The following NRXN3 variants were observed in gnomAD, a reference collection of about 807,000 sequenced individuals.
NRXN3 encodes the protein neurexin 3.
A neutral mutation model predicts 137.6 loss-of-function variants in NRXN3; 32 were observed. The ratio of observed to expected loss-of-function variants is 0.23; its 90% CI spans 0.18 to 0.31. The LOEUF is 0.31. Among genes scored for constraint, NRXN3 ranks in the 10% least tolerant of loss-of-function variants. The pLI, the probability that NRXN3 is intolerant of heterozygous loss-of-function variation, is 1.00. For synonymous variants in NRXN3, 798 were observed against 784.5 expected (o/e 1.02, Z -0.29); for missense variants, 1,574 against 2,062.5 (o/e 0.76, Z 4.59).
At chr14:79,255,250 C>T (rs2076426573) in intron 15 of NRXN3, among the ~76,000 whole-genome samples, 3 of 152,218 alleles carry the variant, frequency 2.0e-5, no homozygotes, top group Non-Finnish European at 1.5e-5. Context: ...TCCATAGTGC[C>T]GTCATAGAGG....
chr14:79,663,979 CT>C, intron 17 of NRXN3, 30 bp downstream of exon 17: 2 of 1,605,736 alleles, frequency 1.2e-6, no homozygotes, highest in Non-Finnish European at 1.7e-6. Context: ...TGGTCCTACT[CT>C]TTTTGACTCT....
rs74067939 is a variant in NRXN3 at position 79,259,010 on chromosome 14, G to A, written c.3263-208211G>A. Among the ~76,000 whole-genome samples, 163 of 152,244 alleles carry A rather than the reference G, an allele frequency of 1.1e-3. 1 individual carries two copies. The highest frequency in any genetic ancestry group is 3.9e-3 in the African/African-American group (160 of 41,536). ...TCAAACAGACTTTGAGAGACAGTGT[G>A]GTCATGGGTTTTATTTTTTTTCCTC... On this transcript the variant is annotated intron_variant, in intron 15 of 20. Coordinates refer to ENST00000335750, the MANE Select transcript of NRXN3 (RefSeq NM_001330195.2).
chr14:79,466,608 A>G (rs1216720698), intron 15 of NRXN3, among the ~76,000 whole-genome samples: 1 of 152,106 alleles, frequency 6.6e-6, no homozygotes, highest in Non-Finnish European at 1.5e-5. Context: ...AAAAACTCCT[A>G]GAAATCATTT....
At chr14:78,278,514 G>A in intron 2 of NRXN3, 131 bp from the exon 3 acceptor site, 1 of 738,180 alleles carries the variant, frequency 1.4e-6, no homozygotes, top group South Asian at 1.7e-5. Flanking sequence ...TACCTCTGGG[G>A]CTTGCATGAA....
chr14:78,916,233 A>G (rs2099255066), intron 10 of NRXN3, among the ~76,000 whole-genome samples: 1 of 152,200 alleles, frequency 6.6e-6, no homozygotes, highest in Admixed American at 6.5e-5. Context: ...AAACCCAAAC[A>G]TATGGTCAAC....
At chr14:78,944,061 G>C (rs962714688) in intron 10 of NRXN3, among the ~76,000 whole-genome samples, 2 of 152,086 alleles carry the variant, frequency 1.3e-5, no homozygotes, top group Non-Finnish European at 1.5e-5. Flanking sequence ...AACTGTTGAA[G>C]AATAGAGATT....
At chr14:79,705,277 G>A (rs999878506) in intron 19 of NRXN3, among the ~76,000 whole-genome samples, 5 of 152,018 alleles carry the variant, frequency 3.3e-5, no homozygotes, top group African/African-American at 9.7e-5. Flanking sequence ...CTCTTTAGCC[G>A]AATCTAAAGC....
chr14:79,606,976 C>T (rs1296550057), intron 16 of NRXN3, among the ~76,000 whole-genome samples: 1 of 152,170 alleles, frequency 6.6e-6, no homozygotes, highest in African/African-American at 2.4e-5. Context: ...GCAAGTTTTG[C>T]TTTAGAAACT....
At chr14:78,351,882 A>C (rs1254614711) in intron 4 of NRXN3, among the ~76,000 whole-genome samples, 2 of 151,514 alleles carry the variant, frequency 1.3e-5, no homozygotes, top group African/African-American at 4.8e-5. Flanking sequence ...GCCTTATTAA[A>C]AAAAATCTCC....
intron 19 of NRXN3, among the ~76,000 whole-genome samples, chr14:79,784,614 C>CTTTTTTTTTTTTT (rs540234381): frequency 1.3e-5 from 1 of 76,594 alleles, no homozygotes; most frequent in Non-Finnish European, 2.5e-5. Flanking sequence ...TGTTGTGTTG[C>CTTTTTTTTTTTTT]TTTTTTTTTT....
At chr14:78,597,493 A>G (rs1407818980) in intron 4 of NRXN3, among the ~76,000 whole-genome samples, 1 of 152,138 alleles carries the variant, frequency 6.6e-6, no homozygotes, top group Non-Finnish European at 1.5e-5. Flanking sequence ...AAAGGACCCA[A>G]TAGAAGCTTC....
Position 79,675,445 on chromosome 14 carries a change from C to T in NRXN3, c.3616+11496C>T, listed in dbSNP as rs138612962. On this transcript the variant is annotated intron_variant, in intron 17 of 20. Transcript: ENST00000335750. ...TACAAAAACAAGCTGTGATGAACCA[C>T]GTTTCCCCATTAGGTTTAGCTGGGG... is the stretch of plus-strand genomic sequence containing the variant. 8.3e-3 allele frequency among the ~76,000 whole-genome samples: 1,266 copies of T among 152,208 alleles called. 15 individuals are homozygous for T. Among genetic ancestry groups the T allele is most frequent in the African/African-American group, 0.028 (1,165 of 41,544 alleles).
chr14:78,504,540 T>C (rs2095943952), intron 4 of NRXN3, among the ~76,000 whole-genome samples: 1 of 152,138 alleles, frequency 6.6e-6, no homozygotes, highest in South Asian at 2.1e-4. Context: ...TGTCTCTGTG[T>C]ATGGGGAAGG....
At chr14:78,771,824 A>G (rs2098729071) in intron 8 of NRXN3, among the ~76,000 whole-genome samples, 1 of 152,254 alleles carries the variant, frequency 6.6e-6, no homozygotes, top group South Asian at 2.1e-4. Context: ...AAGGAACAGT[A>G]TCTACCGTAA....
At chr14:79,370,825 C>G (rs1287163642) in intron 15 of NRXN3, among the ~76,000 whole-genome samples, 1 of 152,158 alleles carries the variant, frequency 6.6e-6, no homozygotes, top group African/African-American at 2.4e-5. Context: ...GGTATAAATA[C>G]TGATAAGAGC....
intron 19 of NRXN3, among the ~76,000 whole-genome samples, chr14:79,727,552 A>G (rs1055894230): frequency 6.6e-6 from 1 of 152,116 alleles, no homozygotes; most frequent in Non-Finnish European, 1.5e-5. Flanking sequence ...ACAGAGCCCA[A>G]ATGACTTGTA....
intron 19 of NRXN3, among the ~76,000 whole-genome samples, chr14:79,804,176 T>C (rs1189055422): frequency 6.6e-6 from 1 of 151,946 alleles, no homozygotes; most frequent in African/African-American, 2.4e-5. Flanking sequence ...TAAATGAGCA[T>C]TATTGAACTA....
rs578218997 is a variant in NRXN3, at chr14:79,182,336, A to T, written c.3262+194195A>T. The stretch of plus-strand genomic sequence containing the variant: ...CTATACTGTAATTATATAATGAAAT[A>T]ATTATACAACTCACCATAATGTTGA... On this transcript the variant is annotated intron_variant, in intron 15 of 20. Coordinates refer to ENST00000335750, the MANE Select transcript of NRXN3 (RefSeq NM_001330195.2). Among the ~76,000 whole-genome samples, 294 of 151,896 alleles carry T rather than the reference A, an allele frequency of 1.9e-3. 1 individual carries two copies. Among genetic ancestry groups the T allele is most frequent in the African/African-American group, 6.9e-3 (285 of 41,388 alleles).
chr14:78,689,144 T>C (rs2098147912), intron 6 of NRXN3, among the ~76,000 whole-genome samples: 1 of 152,146 alleles, frequency 6.6e-6, no homozygotes. Flanking sequence ...CTTTTTGTTA[T>C]TGTTTTCTCT....
Sources: allele counts gnomAD v4.1 joint callset (sites outside exome capture counted in the v4.1 genomes callset), GRCh38; gene constraint gnomAD v4.1.1; transcripts MANE v1.5; gene names NCBI Gene and HGNC (gene_info 2026-07-23, HGNC 2026-07-21).